The following CDK14 variants were observed in gnomAD, a reference collection of about 807,000 sequenced individuals.
CDK14 encodes cyclin-dependent kinase 14.
Under a neutral mutation model 60.7 loss-of-function variants are expected in CDK14, and 34 were observed. The observed-to-expected ratio is 0.56, with a 90% confidence interval of 0.43 to 0.75. The LOEUF (loss-of-function observed/expected upper bound fraction) is 0.75. Ranked by LOEUF, CDK14 falls within the 30% of genes least tolerant of loss-of-function variation. The pLI is 0.00. For missense variants in CDK14, 482 were observed against 564.1 expected, an observed-to-expected ratio of 0.85 and a Z score of 1.47; for synonymous variants, 197 against 203.7, an observed-to-expected ratio of 0.97 and a Z score of 0.28.
intron 6 of CDK14, among the ~76,000 whole-genome samples, chr7:90,872,171 T>C (rs1244720201): frequency 6.6e-6 from 1 of 152,224 alleles, no homozygotes; most frequent in Admixed American, 6.5e-5. Context: ...ATTTGAGTTA[T>C]AAATTGCTGT....
chr7:90,818,613 G>A (rs1020242648), intron 5 of CDK14, among the ~76,000 whole-genome samples: 1 of 152,082 alleles, frequency 6.6e-6, no homozygotes, highest in African/African-American at 2.4e-5. Context: ...CAGATTTACT[G>A]AAACTATTAA....
intron 6 of CDK14, among the ~76,000 whole-genome samples, chr7:90,898,098 C>G (rs1792392656): frequency 6.6e-6 from 1 of 152,088 alleles, no homozygotes. Flanking sequence ...CTTCCAGAGA[C>G]CTTTCTGAAA....
At chr7:90,785,074 AT>A (rs2116945995) in intron 4 of CDK14, among the ~76,000 whole-genome samples, 1 of 152,334 alleles carries the variant, frequency 6.6e-6, no homozygotes, top group South Asian at 2.1e-4. Context: ...GGAAACGAGC[AT>A]TGTATATGTC....
chr7:90,698,084 A>AAAAAG (rs1554436334), intron 2 of CDK14, among the ~76,000 whole-genome samples: 7 of 145,950 alleles, frequency 4.8e-5, no homozygotes, highest in Non-Finnish European at 1.1e-4. Flanking sequence ...AAAAAAAAAA[A>AAAAAG]AAAAAGAAAA....
At chr7:91,178,901 G>T (rs998489267) in intron 14 of CDK14, among the ~76,000 whole-genome samples, 2 of 152,016 alleles carry the variant, frequency 1.3e-5, no homozygotes, top group African/African-American at 2.4e-5. Flanking sequence ...TCAGTGTGGC[G>T]ATTCCTCAGG....
intron 10 of CDK14, among the ~76,000 whole-genome samples, chr7:91,029,570 T>TTA: frequency 6.8e-6 from 1 of 146,104 alleles, no homozygotes; most frequent in Non-Finnish European, 1.5e-5. Context: ...ATGGGCTTCC[T>TTA]TCTCTCTCCT....
At chr7:90,596,767 C>A in intron 1 of CDK14, 49 bp downstream of exon 1, 1 of 1,471,468 alleles carries the variant, frequency 6.8e-7, no homozygotes. Flanking sequence ...TCCCCTCGGC[C>A]TGCGCCCCCG....
chr7:90,658,213 T>A (rs573355655), intron 2 of CDK14, among the ~76,000 whole-genome samples: 1 of 152,302 alleles, frequency 6.6e-6, no homozygotes, highest in Admixed American at 6.5e-5. Flanking sequence ...CTATTTGGGC[T>A]AGTGTAACAA....
At chr7:90,831,874 C>T (rs1789922367) in intron 5 of CDK14, among the ~76,000 whole-genome samples, 1 of 152,036 alleles carries the variant, frequency 6.6e-6, no homozygotes, top group African/African-American at 2.4e-5. Context: ...TATTCTTAGC[C>T]ACACTGGTCT....
At chr7:91,041,795 C>T (rs1415101634) in intron 10 of CDK14, among the ~76,000 whole-genome samples, 2 of 152,206 alleles carry the variant, frequency 1.3e-5, no homozygotes, top group African/African-American at 4.8e-5. Flanking sequence ...CTGGCCTCTG[C>T]TTCCTTCCCA....
At chr7:91,094,981 C>T (rs746680546) in intron 12 of CDK14, among the ~76,000 whole-genome samples, 6 of 152,080 alleles carry the variant, frequency 3.9e-5, no homozygotes, top group African/African-American at 1.2e-4. Flanking sequence ...CATCTGTTAG[C>T]GGCCATAAAG....
At chr7:90,745,237 G>A (rs1019216669) in intron 3 of CDK14, among the ~76,000 whole-genome samples, 11 of 151,986 alleles carry the variant, frequency 7.2e-5, no homozygotes, top group African/African-American at 2.7e-4. Context: ...ATCTTATATT[G>A]AGATAATTTT....
chr7:91,121,747 T>C (rs1799788084), intron 14 of CDK14, among the ~76,000 whole-genome samples: 1 of 152,232 alleles, frequency 6.6e-6, no homozygotes, highest in African/African-American at 2.4e-5. Context: ...CTTCTAAAGA[T>C]ATTAGTAAAG....
intron 2 of CDK14, among the ~76,000 whole-genome samples, chr7:90,625,747 G>A (rs547372176): frequency 1.3e-5 from 2 of 152,304 alleles, no homozygotes; most frequent in African/African-American, 2.4e-5. Context: ...GCTGGCAGAG[G>A]TCCAGATTTC....
chr7:90,637,941 A>G (rs1211237670), intron 2 of CDK14, among the ~76,000 whole-genome samples: 1 of 147,446 alleles, frequency 6.8e-6, no homozygotes, highest in East Asian at 2.1e-4. Context: ...GTTTTATCAG[A>G]GACTAGGATT....
chr7:91,049,345 TGAAAA>T (rs1797327090), intron 11 of CDK14, among the ~76,000 whole-genome samples: 1 of 152,234 alleles, frequency 6.6e-6, no homozygotes, highest in Admixed American at 6.5e-5. Context: ...AGTTTTGCCT[TGAAAA>T]GAAAAGCCCA....
At chr7:90,665,039 T>C (rs1800946466) in intron 2 of CDK14, among the ~76,000 whole-genome samples, 1 of 152,076 alleles carries the variant, frequency 6.6e-6, no homozygotes, top group African/African-American at 2.4e-5. Context: ...CTCAGCACTT[T>C]GGGAGGCTGA....
At chr7:90,876,942 C>T (rs944536939) in intron 6 of CDK14, among the ~76,000 whole-genome samples, 3 of 152,102 alleles carry the variant, frequency 2.0e-5, no homozygotes, top group African/African-American at 7.2e-5. Flanking sequence ...AGATTATTGT[C>T]CATTCAATAA....
At position 91,007,593 on chromosome 7, in the gene CDK14, C is replaced by G. The variant is rs1315284520; in HGVS notation, c.1041+23352C>G. Reference sequence around the variant, plus strand: ...TAATTGGCAGCCAAGCAAATCCACCCCAGCTACAAATCCACCCACCACAGG... The same window carrying G: ...TAATTGGCAGCCAAGCAAATCCACCGCAGCTACAAATCCACCCACCACAGG... On this transcript the variant is annotated intron_variant, in intron 10 of 14. Coordinates refer to ENST00000380050, the MANE Select transcript of CDK14 (RefSeq NM_001287135.2). Among the ~76,000 whole-genome samples the G allele has an allele frequency of 2.6e-5, 4 of 152,264 alleles. No homozygotes were observed. In the South Asian group the frequency reaches 6.2e-4, roughly 24 times the overall value.
Sources: allele counts gnomAD v4.1 joint callset (sites outside exome capture counted in the v4.1 genomes callset), GRCh38; gene constraint gnomAD v4.1.1; transcripts MANE v1.5; gene names NCBI Gene and HGNC (gene_info 2026-07-23, HGNC 2026-07-21).